The following PSPC1 variants were observed in gnomAD, a reference collection of about 807,000 sequenced individuals.
The protein encoded by PSPC1 is paraspeckle protein 1.
In PSPC1, 14 loss-of-function variants were observed where a neutral mutation model predicts 51.6. The observed-to-expected ratio is 0.27, with a 90% CI of 0.18 to 0.42. PSPC1 has a LOEUF of 0.42. Among genes scored for constraint, PSPC1 ranks in the 10% least tolerant of loss-of-function variants. PSPC1 has a pLI of 1.00. For missense variants in PSPC1, 406 were observed against 701.1 expected (o/e 0.58, Z 4.75); for synonymous variants, 193 against 231.9 (o/e 0.83, Z 1.53).
intron 6 of PSPC1, among the ~76,000 whole-genome samples, chr13:19,714,113 T>C (rs1014492619): frequency 2.0e-5 from 3 of 152,234 alleles, no homozygotes; most frequent in South Asian, 2.1e-4. Context: ...TCTCTATCCA[T>C]GGGTACATGC....
intron 4 of PSPC1, among the ~76,000 whole-genome samples, chr13:19,750,267 G>A (rs1175985579): frequency 6.6e-6 from 1 of 151,748 alleles, no homozygotes; most frequent in Non-Finnish European, 1.5e-5. Context: ...GCCAAGAGAA[G>A]GTAAATACAA....
At position 19,767,764 on chromosome 13, in the gene PSPC1, A is replaced by T. The variant is rs557964371; in HGVS notation, c.674+4478T>A. ...CGTCACACTCAAAATGTATAAATGT[A>T]AAAGCTATAAAATTTCTCAAGAAAA... On this transcript the variant is annotated intron_variant, in intron 2 of 8. Coordinates refer to ENST00000338910, the MANE Select transcript of PSPC1 (RefSeq NM_001354909.2). Among the ~76,000 whole-genome samples the T allele has an allele frequency of 3.3e-5, 5 of 152,322 alleles. No homozygotes were observed. In the South Asian group the frequency reaches 1.0e-3, roughly 32 times the overall value.
chr13:19,708,637 C>A (rs1183576620), intron 7 of PSPC1, among the ~76,000 whole-genome samples: 2 of 152,188 alleles, frequency 1.3e-5, no homozygotes, highest in African/African-American at 2.4e-5. Flanking sequence ...CTAAAACATG[C>A]ATTGGCGACA....
chr13:19,672,498 TAA>T (rs58492348), downstream of PSPC1: 344 of 128,052 alleles, frequency 2.7e-3, no homozygotes, highest in African/African-American at 6.6e-3. Context: ...CTTCTGTGCT[TAA>T]AAAAAAAAAA....
At chr13:19,711,238 G>A (rs1881369338) in intron 6 of PSPC1, among the ~76,000 whole-genome samples, 1 of 152,178 alleles carries the variant, frequency 6.6e-6, no homozygotes, top group South Asian at 2.1e-4. Context: ...GCTAGACTGA[G>A]GCGGGGTGCA....
At chr13:19,697,076 A>C (rs1387982141) in intron 6 of PSPC1, among the ~76,000 whole-genome samples, 1 of 152,196 alleles carries the variant, frequency 6.6e-6, no homozygotes, top group Admixed American at 6.5e-5. Context: ...TCTACAGTGT[A>C]CTGGGACAGT....
intron 6 of PSPC1, among the ~76,000 whole-genome samples, chr13:19,688,624 A>G (rs1451739303): frequency 1.3e-5 from 2 of 152,198 alleles, no homozygotes; most frequent in South Asian, 2.1e-4. Context: ...GGAGCACCTC[A>G]TATCTACCCC....
At chr13:19,734,121 CAT>C (rs1223049045) in intron 5 of PSPC1, among the ~76,000 whole-genome samples, 1 of 151,944 alleles carries the variant, frequency 6.6e-6, no homozygotes, top group Non-Finnish European at 1.5e-5. Flanking sequence ...TCCTGTTGTC[CAT>C]ATATGTTTGC....
chr13:19,709,038 C>G (rs1881060039), intron 7 of PSPC1, among the ~76,000 whole-genome samples: 1 of 151,682 alleles, frequency 6.6e-6, no homozygotes, highest in Admixed American at 6.6e-5. Flanking sequence ...GTGGCACATG[C>G]CTGTAGTCCC....
intron 6 of PSPC1, among the ~76,000 whole-genome samples, chr13:19,711,773 G>A (rs1049256021): frequency 6.6e-6 from 1 of 151,556 alleles, no homozygotes; most frequent in African/African-American, 2.4e-5. Flanking sequence ...GAACCCAGGA[G>A]GCGGGGGTTG....
chr13:19,701,782 G>C (rs972997994), downstream of PSPC1, among the ~76,000 whole-genome samples: 1 of 152,180 alleles, frequency 6.6e-6, no homozygotes, highest in Non-Finnish European at 1.5e-5. Flanking sequence ...GGTGCTGAAA[G>C]CATGATATAG....
rs1389674544 is a variant in PSPC1 at position 19,782,859 on chromosome 13, T to C, written c.-102A>G. 34 of 1,308,468 alleles carry C rather than the reference T, an allele frequency of 2.6e-5. No individual in the cohort carries two copies. The East Asian group carries it at 8.7e-4, about 34-fold the overall frequency. The allele number at this position is 1,308,468 out of a possible 1,614,324, so 81.1% of individuals were successfully genotyped here. A position where few individuals can be genotyped will look rare whatever the true frequency, so the allele number is the denominator to read the frequency against. On this transcript the variant is annotated 5_prime_UTR_variant, in exon 1 of 9. Coordinates refer to ENST00000338910, the MANE Select transcript of PSPC1 (RefSeq NM_001354909.2). The surrounding 1 kb of genome is among the most constrained non-coding windows in gnomAD (Gnocchi z 4.5). ...TACATAAACCTATGCCAACAAAATA[T>C]CGACAATCAAGAGACCGCTAGGTAG...
At chr13:19,694,122 C>A (rs1878908480) in intron 6 of PSPC1, among the ~76,000 whole-genome samples, 1 of 47,464 alleles carries the variant, frequency 2.1e-5, no homozygotes, top group African/African-American at 8.6e-5. Flanking sequence ...GACTCCATCT[C>A]AAAAAAAAAA....
downstream of PSPC1, among the ~76,000 whole-genome samples, chr13:19,674,069 C>A (rs1876341885): frequency 6.6e-6 from 1 of 152,196 alleles, no homozygotes. Flanking sequence ...ACTAAGATCA[C>A]CACAGATGGG....
downstream of PSPC1, chr13:19,673,177 A>G (rs932746701): frequency 4.4e-6 from 2 of 451,418 alleles, no homozygotes; most frequent in African/African-American, 4.0e-5. Context: ...GTAACAGCCA[A>G]ACCTGGCTGT....
chr13:19,736,542 G>A (rs1266442499), intron 5 of PSPC1, among the ~76,000 whole-genome samples: 1 of 152,050 alleles, frequency 6.6e-6, no homozygotes, highest in African/African-American at 2.4e-5. Flanking sequence ...AATTAGCCAG[G>A]TGTGGTGACA....
intron 1 of PSPC1, among the ~76,000 whole-genome samples, chr13:19,781,780 A>T (rs564077463): frequency 5.3e-5 from 8 of 152,290 alleles, no homozygotes; most frequent in African/African-American, 1.9e-4. Flanking sequence ...ATTTCTATTA[A>T]AATAAATAAA....
At chr13:19,700,672 T>C (rs191086446), downstream of PSPC1, among the ~76,000 whole-genome samples, 217 of 152,190 alleles carry the variant, frequency 1.4e-3, 2 homozygotes, top group South Asian at 7.9e-3. Flanking sequence ...AAGTAGCACA[T>C]GAAACATTAA....
chr13:19,741,008 G>A (rs911448475), intron 5 of PSPC1, among the ~76,000 whole-genome samples: 7 of 151,916 alleles, frequency 4.6e-5, no homozygotes, highest in Admixed American at 2.0e-4. Context: ...CTGAGTAGCT[G>A]GGATTACAGG....
Sources: allele counts gnomAD v4.1 joint callset (sites outside exome capture counted in the v4.1 genomes callset), GRCh38; gene constraint gnomAD v4.1.1; non-coding constraint Gnocchi (gnomAD v3.1); transcripts MANE v1.5; gene names NCBI Gene and HGNC (gene_info 2026-07-23, HGNC 2026-07-21).